Variants in CACNA2D1 observed in about 807,000 individuals in gnomAD.
The protein encoded by CACNA2D1 is calcium voltage-gated channel auxiliary subunit alpha2delta 1, also known as voltage-dependent calcium channel subunit alpha-2/delta-1.
Under a neutral mutation model 171.5 loss-of-function variants are expected in CACNA2D1, and 53 were observed. That is an observed-to-expected ratio of 0.31 (90% CI 0.25 to 0.39). The LOEUF (loss-of-function observed/expected upper bound fraction) is 0.39, where lower values mean the gene tolerates loss of function less well. Ranked by LOEUF, CACNA2D1 falls within the 10% of genes least tolerant of loss-of-function variation. The pLI is 1.00. For missense variants in CACNA2D1, 903 were observed against 1,299.8 expected (o/e 0.69, Z 4.69); for synonymous variants, 442 against 443.1 (o/e 1.00, Z 0.03).
chr7:82,086,228 C>A lies in CACNA2D1; in HGVS notation c.527-1328G>T, dbSNP rs118140293. The stretch of plus-strand genomic sequence containing the variant: ...TTTTTAAAGGTAAAATTAAAAACAG[C>A]GCCTGTGAAACAAGATGCACGGCCT... On this transcript the variant is annotated intron_variant, in intron 6 of 38. Coordinates refer to ENST00000356860, the MANE Select transcript of CACNA2D1 (RefSeq NM_000722.4). 1.7e-3 allele frequency among the ~76,000 whole-genome samples: 252 copies of A among 152,158 alleles called. 3 individuals carry two copies. The East Asian group carries it at 0.019, about 12-fold the overall frequency.
intron 15 of CACNA2D1, chr7:82,009,183 T>A (rs754518509): frequency 3.3e-5 from 5 of 152,132 alleles, no homozygotes; most frequent in Non-Finnish European, 7.4e-5. Context: ...CAACACTTAT[T>A]CTCTCTCCTG....
chr7:82,136,868 T>A (rs1791681026), intron 4 of CACNA2D1, among the ~76,000 whole-genome samples, 192 bp from the exon 5 acceptor site: 1 of 152,160 alleles, frequency 6.6e-6, no homozygotes, highest in African/African-American at 2.4e-5. Flanking sequence ...TGATATTACA[T>A]CTTGCATTGG....
intron 3 of CACNA2D1, among the ~76,000 whole-genome samples, chr7:82,251,645 G>A (rs1226000441): frequency 6.6e-6 from 1 of 152,102 alleles, no homozygotes; most frequent in Non-Finnish European, 1.5e-5. Flanking sequence ...GCTTTTCTAG[G>A]TATGTAAGTG....
chr7:82,135,675 T>C (rs981095647), intron 5 of CACNA2D1, among the ~76,000 whole-genome samples: 1 of 152,128 alleles, frequency 6.6e-6, no homozygotes, highest in Non-Finnish European at 1.5e-5. Context: ...TGTTTTCTCA[T>C]TTTTTAAGAC....
chr7:82,120,150 C>A (rs1408000593), intron 5 of CACNA2D1, among the ~76,000 whole-genome samples: 4 of 152,174 alleles, frequency 2.6e-5, no homozygotes. Context: ...CTACTCCACT[C>A]TAGCCTGGGT....
At chr7:82,338,845 G>A (rs867051821) in intron 2 of CACNA2D1, among the ~76,000 whole-genome samples, 11 of 152,092 alleles carry the variant, frequency 7.2e-5, no homozygotes, top group Non-Finnish European at 1.0e-4. Flanking sequence ...AACAAGGGTC[G>A]GTATGTCTGC....
At chr7:82,435,962 C>T (rs971083567) in intron 1 of CACNA2D1, among the ~76,000 whole-genome samples, 13 of 152,130 alleles carry the variant, frequency 8.5e-5, no homozygotes, top group East Asian at 3.9e-4. Context: ...GAACAGACCA[C>T]GTTTCTTTAG....
chr7:82,072,207 A>G (rs909850824), intron 7 of CACNA2D1, among the ~76,000 whole-genome samples: 3 of 152,142 alleles, frequency 2.0e-5, no homozygotes, highest in Admixed American at 6.6e-5. Context: ...GGTGTCTTGA[A>G]TAACTGATGG....
intron 3 of CACNA2D1, among the ~76,000 whole-genome samples, chr7:82,173,430 C>T (rs147275374): frequency 1.7e-3 from 263 of 152,016 alleles, no homozygotes; most frequent in African/African-American, 5.9e-3. Flanking sequence ...ATTTCATATC[C>T]CCAGGTTGGA....
At chr7:81,969,491 A>C (rs1436829432) in intron 28 of CACNA2D1, among the ~76,000 whole-genome samples, 1 of 151,350 alleles carries the variant, frequency 6.6e-6, no homozygotes, top group Non-Finnish European at 1.5e-5. Flanking sequence ...TTAAAAGATA[A>C]GCTATTATTA....
intron 3 of CACNA2D1, among the ~76,000 whole-genome samples, chr7:82,321,970 C>CA (rs1406844869): frequency 3.3e-5 from 5 of 149,912 alleles, no homozygotes; most frequent in African/African-American, 9.8e-5. Flanking sequence ...ACTAAAAATA[C>CA]AAAAAATTAG....
intron 3 of CACNA2D1, among the ~76,000 whole-genome samples, chr7:82,256,103 C>T (rs981351885): frequency 2.6e-5 from 4 of 152,016 alleles, no homozygotes; most frequent in African/African-American, 4.8e-5. Flanking sequence ...ATGGTGAAAC[C>T]CCATCTCTTA....
chr7:82,160,252 A>G (rs1303725329), intron 4 of CACNA2D1, among the ~76,000 whole-genome samples: 2 of 152,014 alleles, frequency 1.3e-5, no homozygotes, highest in African/African-American at 4.8e-5. Context: ...AAAAGGCCAG[A>G]TATTCTTAAT....
chr7:82,010,418 C>A (rs946239277), intron 15 of CACNA2D1, among the ~76,000 whole-genome samples: 1 of 150,454 alleles, frequency 6.6e-6, no homozygotes, highest in African/African-American at 2.4e-5. Context: ...TATAGCACAG[C>A]ACATTTAGAA....
At chr7:82,210,827 T>C (rs1189256635) in intron 3 of CACNA2D1, among the ~76,000 whole-genome samples, 1 of 152,220 alleles carries the variant, frequency 6.6e-6, no homozygotes, top group Admixed American at 6.5e-5. Flanking sequence ...TCTATTAAAT[T>C]TGAAAACAAG....
chr7:81,970,050 G>A (rs867110331), intron 27 of CACNA2D1, 66 bp from the exon 28 acceptor site: 12 of 959,034 alleles, frequency 1.3e-5, no homozygotes, highest in Middle Eastern at 4.2e-4. Flanking sequence ...TATCCTATGT[G>A]GACTTGCTGA....
Position 82,360,156 on chromosome 7 carries a change from C to T in CACNA2D1, c.96-10507G>A, listed in dbSNP as rs78552652. 4.6e-3 allele frequency among the ~76,000 whole-genome samples: 705 copies of T among 152,194 alleles called. 4 individuals carry two copies. The highest frequency in any genetic ancestry group is 0.016 in the African/African-American group (683 of 41,528). On this transcript the variant is annotated intron_variant, in intron 1 of 38. Transcript: ENST00000356860. ...CATTGTTAAACCACCAGATAGTAGCCCTCAACTCTCCTCTCATCAGAACTT... is the reference window on the plus strand; with the variant it reads ...CATTGTTAAACCACCAGATAGTAGCTCTCAACTCTCCTCTCATCAGAACTT...
intron 3 of CACNA2D1, among the ~76,000 whole-genome samples, chr7:82,179,382 T>C (rs113034377): frequency 2.8e-4 from 43 of 152,282 alleles, no homozygotes; most frequent in African/African-American, 1.0e-3. Context: ...ATAGTCCTGC[T>C]GATAATCTAG....
intron 3 of CACNA2D1, among the ~76,000 whole-genome samples, chr7:82,174,786 A>T (rs1796396915): frequency 6.6e-6 from 1 of 152,126 alleles, no homozygotes; most frequent in African/African-American, 2.4e-5. Context: ...TCTTGTCCTC[A>T]AATCCTGGGA....
Sources: gnomAD v4.1 joint callset for allele counts (sites outside exome capture counted in the v4.1 genomes callset) on GRCh38, gnomAD v4.1.1 for gene constraint, MANE v1.5 for transcripts, NCBI Gene and HGNC (gene_info 2026-07-23, HGNC 2026-07-21) for gene names.